The following MAF variants were observed in gnomAD, a reference collection of about 807,000 sequenced individuals.
MAF encodes the protein transcription factor Maf.
In MAF, 10 loss-of-function variants were observed where a neutral mutation model predicts 22.0. That is an observed-to-expected ratio of 0.45 (90% CI 0.28 to 0.77). The LOEUF (loss-of-function observed/expected upper bound fraction) is 0.77. Ranked by LOEUF, MAF falls within the 30% of genes least tolerant of loss-of-function variation. MAF has a pLI of 0.12. For missense variants in MAF, 544 were observed against 548.4 expected, an observed-to-expected ratio of 0.99 and a Z score of 0.08; for synonymous variants, 337 against 255.8, an observed-to-expected ratio of 1.32 and a Z score of -3.03.
the MAF span, among the ~76,000 whole-genome samples, chr16:79,509,530 C>CA: frequency 0.039 from 5,923 of 152,326 alleles, 368 homozygotes; most frequent in African/African-American, 0.13. Flanking sequence ...GCTCTGAGAC[C>CA]AACTCTGATG....
chr16:79,337,653 G>A, the MAF span, among the ~76,000 whole-genome samples: 1 of 152,172 alleles, frequency 6.6e-6, no homozygotes, highest in Non-Finnish European at 1.5e-5. Context: ...CTTTAAACAT[G>A]TCAAACATGA....
the MAF span, among the ~76,000 whole-genome samples, chr16:79,518,309 C>T: frequency 3.3e-5 from 5 of 152,320 alleles, no homozygotes; most frequent in South Asian, 6.2e-4. Flanking sequence ...GGAAGCCATT[C>T]GATGGCTTGC....
At chr16:79,556,266 C>T in the MAF span, among the ~76,000 whole-genome samples, 63 of 152,176 alleles carry the variant, frequency 4.1e-4, no homozygotes, top group Non-Finnish European at 8.7e-4. Flanking sequence ...TTTAATCATG[C>T]TACTCCATCT....
chr16:79,324,927 G>C, the MAF span, among the ~76,000 whole-genome samples: 2 of 152,058 alleles, frequency 1.3e-5, no homozygotes, highest in African/African-American at 4.8e-5. Flanking sequence ...GCCTCTTTGA[G>C]CTTCTGGTGG....
the MAF span, among the ~76,000 whole-genome samples, chr16:79,470,034 G>T: frequency 1.3e-5 from 2 of 152,140 alleles, no homozygotes; most frequent in Admixed American, 6.5e-5. Flanking sequence ...AGAAACGTGC[G>T]GTCTGCTCCT....
the MAF span, among the ~76,000 whole-genome samples, chr16:79,290,815 C>T: frequency 2.0e-4 from 31 of 152,058 alleles, 1 homozygote; most frequent in African/African-American, 7.5e-4. Context: ...GAATCAACTG[C>T]ATTAGAGTCA....
chr16:79,572,272 A>G, the MAF span, among the ~76,000 whole-genome samples: 4 of 152,250 alleles, frequency 2.6e-5, no homozygotes, highest in Non-Finnish European at 5.9e-5. Flanking sequence ...GTGTGGAGGG[A>G]CGTGCCAGGC....
In MAF at chr16:79,599,187, G is replaced by GCGCCCCCGC. The variant is rs1184389367; in HGVS notation, c.707_715dup (p.Gly236_Gly238dup). On this transcript the variant is annotated inframe_insertion, in exon 1 of 2. Transcript: ENST00000326043. ...GTGCAGGGCGCCCCCCGCCCCCGCC[G>GCGCCCCCGC]CGCCCCCGCCGCCTCCGCCGCCGCC... 9.2e-7 allele frequency: 1 copy of GCGCCCCCGC among 1,082,772 alleles called. No homozygotes were observed. The highest frequency in any genetic ancestry group is 1.1e-6 in the Non-Finnish European group (1 of 885,576). The allele number at this position is 1,082,772 out of a possible 1,614,324, so 67.1% of individuals were successfully genotyped here.
At chr16:79,275,628 G>C in the MAF span, among the ~76,000 whole-genome samples, 80 of 152,274 alleles carry the variant, frequency 5.3e-4, no homozygotes, top group African/African-American at 1.9e-3. Flanking sequence ...TAAACATTCT[G>C]CCCCATTGTC....
the MAF span, among the ~76,000 whole-genome samples, chr16:79,366,166 C>T: frequency 1.3e-5 from 2 of 152,120 alleles, no homozygotes; most frequent in Non-Finnish European, 2.9e-5. Context: ...AAGCTTTGCC[C>T]AAGCCTGGGA....
chr16:79,483,506 G>A, the MAF span, among the ~76,000 whole-genome samples: 8 of 151,662 alleles, frequency 5.3e-5, no homozygotes, highest in East Asian at 6.0e-4. Context: ...TTAAATTAAC[G>A]TGAAGTGCTA....
chr16:79,585,477 T>C (rs936446022), downstream of MAF, among the ~76,000 whole-genome samples: 20 of 152,020 alleles, frequency 1.3e-4, no homozygotes, highest in Non-Finnish European at 2.7e-4. Context: ...CGATGGATAC[T>C]AGTTTCACAG....
chr16:79,448,170 G>T, the MAF span, among the ~76,000 whole-genome samples: 9,024 of 152,172 alleles, frequency 0.059, 322 homozygotes, highest in South Asian at 0.14. Context: ...CTATCAAATA[G>T]TGCCACATGC....
the MAF span, among the ~76,000 whole-genome samples, chr16:79,225,487 C>T: frequency 3.3e-5 from 5 of 152,138 alleles, no homozygotes; most frequent in African/African-American, 1.2e-4. Context: ...ATGACTAAAA[C>T]AGCCAAAGCA....
chr16:79,331,239 G>C, the MAF span, among the ~76,000 whole-genome samples: 1 of 152,124 alleles, frequency 6.6e-6, no homozygotes, highest in East Asian at 1.9e-4. Flanking sequence ...TGGAAAACTA[G>C]ACCTTGGAGT....
At chr16:79,544,679 A>G in the MAF span, among the ~76,000 whole-genome samples, 2 of 150,836 alleles carry the variant, frequency 1.3e-5, no homozygotes, top group African/African-American at 4.9e-5. Context: ...GAGGCTGAGC[A>G]GGAGAATGGC....
At chr16:79,598,387 G>A (rs1265395487) in intron 1 of MAF, 2 of 1,142,968 alleles carry the variant, frequency 1.7e-6, no homozygotes, top group African/African-American at 1.9e-5. Flanking sequence ...GGTGATCAAC[G>A]TTTCACATGA....
At chr16:79,205,471 G>C in the MAF span, 5 of 152,182 alleles carry the variant, frequency 3.3e-5, no homozygotes, top group African/African-American at 9.7e-5. Context: ...TTGTTAGGGA[G>C]GGCATGTTCT....
At chr16:79,243,165 T>C in the MAF span, among the ~76,000 whole-genome samples, 1 of 151,312 alleles carries the variant, frequency 6.6e-6, no homozygotes, top group Non-Finnish European at 1.5e-5. Context: ...GCAAACAAAT[T>C]AAAAAGCTAG....
Sources: allele counts gnomAD v4.1 joint callset (sites outside exome capture counted in the v4.1 genomes callset), GRCh38; gene constraint gnomAD v4.1.1; transcripts MANE v1.5; gene names NCBI Gene and HGNC (gene_info 2026-07-23, HGNC 2026-07-21).